Variants in BICD1 observed in about 807,000 individuals in gnomAD.
BICD1 encodes the protein BICD cargo adaptor 1.
Under a neutral mutation model 92.5 loss-of-function variants are expected in BICD1, and 35 were observed. That is an observed-to-expected ratio of 0.38 (90% CI 0.29 to 0.50). BICD1 has a LOEUF of 0.50. Ranked by LOEUF, BICD1 falls within the 20% of genes least tolerant of loss-of-function variation. The probability of loss-of-function intolerance (pLI) is 0.93; values close to 1 mark genes in which losing one functional copy is unlikely to be tolerated. For synonymous variants in BICD1, 429 were observed against 465.1 expected (o/e 0.92, Z 1.00); for missense variants, 950 against 1,189.8 (o/e 0.80, Z 2.97).
At chr12:32,177,712 T>TATATAAATATATTTATATATTTATAA (rs1944138105) in intron 1 of BICD1, among the ~76,000 whole-genome samples, 2 of 107,884 alleles carry the variant, frequency 1.9e-5, no homozygotes, top group Non-Finnish European at 4.0e-5. Flanking sequence ...TAGTAGAGTA[T>TATATAAATATATTTATATATTTATAA]AAATATATAA....
chr12:32,329,389 G>A (rs971903371), intron 5 of BICD1, among the ~76,000 whole-genome samples: 2 of 152,060 alleles, frequency 1.3e-5, no homozygotes, highest in African/African-American at 2.4e-5. Flanking sequence ...GAACCACCGC[G>A]CCCAGCCAAG....
intron 1 of BICD1, among the ~76,000 whole-genome samples, chr12:32,168,592 C>T (rs1230686023): frequency 6.6e-6 from 1 of 152,168 alleles, no homozygotes; most frequent in Admixed American, 6.6e-5. Flanking sequence ...ACATTTCAGG[C>T]CCAAACTGTC....
chr12:32,298,164 T>TA (rs1401029291), intron 3 of BICD1, among the ~76,000 whole-genome samples: 2 of 141,220 alleles, frequency 1.4e-5, no homozygotes, highest in African/African-American at 5.3e-5. Flanking sequence ...GCCTGAGCGA[T>TA]AGAGTGAGAC....
chr12:32,140,693 C>T (rs1942887644), intron 1 of BICD1, among the ~76,000 whole-genome samples: 2 of 152,132 alleles, frequency 1.3e-5, no homozygotes, highest in African/African-American at 4.8e-5. Context: ...TTTACAGGAA[C>T]TGTGTCTGTA....
intron 1 of BICD1, among the ~76,000 whole-genome samples, chr12:32,182,020 T>A (rs945088634): frequency 1.3e-5 from 2 of 151,958 alleles, no homozygotes; most frequent in African/African-American, 4.8e-5. Context: ...TGCTTTTAAT[T>A]AGCTGCTAGA....
intron 1 of BICD1, among the ~76,000 whole-genome samples, chr12:32,181,047 G>T (rs931250900): frequency 1.3e-5 from 2 of 151,614 alleles, no homozygotes; most frequent in African/African-American, 4.8e-5. Context: ...ACTTTTTATA[G>T]TAGAACCAGA....
intron 1 of BICD1, among the ~76,000 whole-genome samples, chr12:32,189,880 G>A (rs369225909): frequency 5.3e-5 from 8 of 152,128 alleles, no homozygotes; most frequent in African/African-American, 1.9e-4. Flanking sequence ...TGTATTTGTA[G>A]TAGAGATGGG....
At chr12:32,181,625 G>GA (rs1565569981) in intron 1 of BICD1, among the ~76,000 whole-genome samples, 1 of 151,806 alleles carries the variant, frequency 6.6e-6, no homozygotes, top group Non-Finnish European at 1.5e-5. Flanking sequence ...TGCTCTATAT[G>GA]AAGGGTAATA....
rs1021632324 is a variant in BICD1 at position 32,381,160 on chromosome 12, C to A, written c.*3533C>A. 7 of 151,966 alleles carry A rather than the reference C, an allele frequency of 4.6e-5. 1 individual carries two copies. The highest frequency in any genetic ancestry group is 6.8e-3 in the Middle Eastern group (2 of 294). 9.4% of individuals were successfully genotyped at this position (151,966 alleles called of 1,614,324 possible). A position where few individuals can be genotyped will look rare whatever the true frequency, so the allele number is the denominator to read the frequency against. The stretch of plus-strand genomic sequence containing the variant: ...TTATATTTGAAAATAGGATGGCAAT[C>A]TTTATTTTTCCAAGATATTTGTTGG... On this transcript the variant is annotated 3_prime_UTR_variant, in exon 10 of 10. Transcript: ENST00000652176.
chr12:32,296,308 A>G (rs1592629348), intron 3 of BICD1, among the ~76,000 whole-genome samples: 1 of 121,762 alleles, frequency 8.2e-6, no homozygotes, highest in Non-Finnish European at 1.6e-5. Flanking sequence ...ACCAGGCTGG[A>G]GTGCAGTGGC....
chr12:32,216,335 A>G lies in BICD1; in HGVS notation c.302A>G (p.Lys101Arg). 6.2e-7 allele frequency: 1 copy of G among 1,614,182 alleles called. No individual in the cohort carries two copies. Residue 101 changes from lysine to arginine, a missense_variant, in exon 2 of 10, where the codon AAG becomes AGG. Physicochemically the swap from Lys to Arg is conservative, Grantham distance 26 (BLOSUM62 2). Around this residue, in one of 5 missense-constraint regions of BICD1, gnomAD observed 202 missense variants for 205.3 expected, o/e 0.98. Coordinates refer to ENST00000652176, the MANE Select transcript of BICD1 (RefSeq NM_001714.4). ...ACGCTTCTGCAGGAGTCAGCATCGA[A>G]GGAGGCTTACTATCTGGGGAAGATC... Reference protein sequence around the residue: ...EETLLQESASKEAYYLGKILE... With the variant: ...EETLLQESASREAYYLGKILE...
At chr12:32,295,745 C>T (rs953546136) in intron 3 of BICD1, among the ~76,000 whole-genome samples, 1 of 151,784 alleles carries the variant, frequency 6.6e-6, no homozygotes, top group Non-Finnish European at 1.5e-5. Flanking sequence ...CCTCCACCTC[C>T]TGGTTCAAGC....
At chr12:32,177,420 G>T (rs977122593) in intron 1 of BICD1, among the ~76,000 whole-genome samples, 1 of 148,494 alleles carries the variant, frequency 6.7e-6, no homozygotes, top group African/African-American at 2.5e-5. Flanking sequence ...TTTATCTGTT[G>T]ATCTGGAGGA....
intron 9 of BICD1, among the ~76,000 whole-genome samples, chr12:32,371,315 T>C (rs1203362557): frequency 6.6e-6 from 1 of 152,200 alleles, no homozygotes; most frequent in Non-Finnish European, 1.5e-5. Flanking sequence ...AAAGACTCTT[T>C]TCCAAAATTG....
chr12:32,319,624 C>T (rs916240475), intron 4 of BICD1, among the ~76,000 whole-genome samples: 1 of 151,976 alleles, frequency 6.6e-6, no homozygotes, highest in African/African-American at 2.4e-5. Flanking sequence ...GTTGCCCAGG[C>T]TGGAGTGCAG....
intron 4 of BICD1, among the ~76,000 whole-genome samples, chr12:32,326,363 G>A (rs563916192): frequency 2.0e-5 from 3 of 151,996 alleles, no homozygotes; most frequent in African/African-American, 7.2e-5. Flanking sequence ...GAGAGAAAAT[G>A]GTTTAAAATT....
chr12:32,141,370 G>A (rs1228298464), intron 1 of BICD1, among the ~76,000 whole-genome samples: 1 of 151,874 alleles, frequency 6.6e-6, no homozygotes, highest in Non-Finnish European at 1.5e-5. Context: ...TTGTGTTTTT[G>A]TTATTAAGCT....
At chr12:32,228,179 ACT>A (rs1235927324) in intron 2 of BICD1, 3 of 157,514 alleles carry the variant, frequency 1.9e-5, no homozygotes, top group Non-Finnish European at 2.9e-5. Flanking sequence ...GGGTCCTAAG[ACT>A]CTCGATGCAG....
At chr12:32,293,865 C>T (rs894261947) in intron 2 of BICD1, 129 bp from the exon 3 acceptor site, 22 of 922,932 alleles carry the variant, frequency 2.4e-5, no homozygotes, top group African/African-American at 3.5e-5. Flanking sequence ...AATTGCCATT[C>T]GAAAAAATGC....
Sources: gnomAD v4.1 joint callset for allele counts (sites outside exome capture counted in the v4.1 genomes callset) on GRCh38, gnomAD v4.1.1 for gene constraint, gnomAD v4.1.1 regional missense constraint, MANE v1.5 for transcripts, NCBI Gene and HGNC (gene_info 2026-07-23, HGNC 2026-07-21) for gene names.